EPS15: variants seen among roughly 807,000 people sequenced by gnomAD.
EPS15 encodes epidermal growth factor receptor pathway substrate 15, also known as epidermal growth factor receptor substrate 15.
Under a neutral mutation model 113.8 loss-of-function variants are expected in EPS15, and 72 were observed. The observed-to-expected ratio is 0.63, with a 90% CI of 0.52 to 0.77. The LOEUF (loss-of-function observed/expected upper bound fraction) is 0.77. EPS15 is among the 30% of genes least tolerant of loss of function. The pLI, the probability that EPS15 is intolerant of heterozygous loss-of-function variation, is 0.00. For synonymous variants in EPS15, 344 were observed against 363.4 expected (o/e 0.95, Z 0.61); for missense variants, 1,048 against 1,045.8 (o/e 1.00, Z -0.03).
rs878951651 is a variant in EPS15, at chr1:51,355,042, G to A, written c.*1658C>T. 11 of 222,544 alleles carry A rather than the reference G, an allele frequency of 4.9e-5. No homozygotes were observed. The highest frequency in any genetic ancestry group is 7.2e-5 in the Non-Finnish European group (8 of 111,184). 13.8% of individuals were successfully genotyped at this position (222,544 alleles called of 1,614,324 possible). ...AGAAAATCCTTAGGTCACTGGATTC[G>A]TTTATCAAAATTAAGCCTTGTGATT... is the stretch of plus-strand genomic sequence containing the variant. On this transcript the variant is annotated 3_prime_UTR_variant, in exon 25 of 25. Coordinates refer to ENST00000371733, the MANE Select transcript of EPS15 (RefSeq NM_001981.3).
At chr1:51,513,604 T>C (rs909759520) in intron 1 of EPS15, among the ~76,000 whole-genome samples, 15 of 152,218 alleles carry the variant, frequency 9.9e-5, no homozygotes, top group African/African-American at 3.6e-4. Context: ...TTCACTAGCA[T>C]TGTATGAATT....
At chr1:51,404,376 T>C (rs1648894052) in intron 16 of EPS15, among the ~76,000 whole-genome samples, 1 of 140,506 alleles carries the variant, frequency 7.1e-6, no homozygotes, top group Admixed American at 7.0e-5. Flanking sequence ...AGACTCCGTC[T>C]CAAAAAAAAA....
chr1:51,470,256 T>C lies in EPS15; in HGVS notation c.213+1434A>G, dbSNP rs547192121. On this transcript the variant is annotated intron_variant, in intron 4 of 24. Coordinates refer to ENST00000371733, the MANE Select transcript of EPS15 (RefSeq NM_001981.3). ...TTGCAATGTATTATGAGCAACAAAA[T>C]AAAAACCATGCTGCAGGAGGAAAGT... Among the ~76,000 whole-genome samples, 13 of 152,250 alleles carry C rather than the reference T, an allele frequency of 8.5e-5. No homozygotes were observed. In the South Asian group the frequency reaches 2.7e-3, roughly 32 times the overall value.
chr1:51,356,261 C>T lies in EPS15; in HGVS notation c.*439G>A, dbSNP rs1002527255. ...ATAAAAGAAATAAGATATTCTTTCC[C>T]TTACCCTCACTCAACCATTCCAATC... On this transcript the variant is annotated 3_prime_UTR_variant, in exon 25 of 25. Transcript: ENST00000371733. 2 of 222,908 alleles carry T rather than the reference C, an allele frequency of 9.0e-6. No individual in the cohort carries two copies. Among genetic ancestry groups the T allele is most frequent in the African/African-American group, 2.2e-5 (1 of 44,824 alleles). 13.8% of individuals were successfully genotyped at this position (222,908 alleles called of 1,614,324 possible). A position where few individuals can be genotyped will look rare whatever the true frequency, so the allele number is the denominator to read the frequency against.
intron 4 of EPS15, among the ~76,000 whole-genome samples, chr1:51,470,667 AAAAT>A (rs1175375991): frequency 1.3e-5 from 2 of 151,624 alleles, no homozygotes; most frequent in African/African-American, 4.9e-5. Context: ...AAAAAAAAAA[AAAAT>A]CTATGCTTCC....
intron 19 of EPS15, among the ~76,000 whole-genome samples, chr1:51,400,328 TTTAG>T (rs1389729379): frequency 1.3e-5 from 2 of 152,132 alleles, no homozygotes; most frequent in African/African-American, 2.4e-5. Context: ...TCACCAAACC[TTTAG>T]TTAGTAAGGA....
At chr1:51,448,329 A>C (rs1653243274) in intron 8 of EPS15, among the ~76,000 whole-genome samples, 194 bp from the exon 9 acceptor site, 1 of 152,154 alleles carries the variant, frequency 6.6e-6, no homozygotes, top group South Asian at 2.1e-4. Context: ...AAAACTAAGA[A>C]ATTTTTAGGA....
At chr1:51,396,657 T>C (rs1283948573) in intron 20 of EPS15, among the ~76,000 whole-genome samples, 4 of 152,136 alleles carry the variant, frequency 2.6e-5, no homozygotes, top group Admixed American at 1.3e-4. Context: ...CTTCATCATA[T>C]ACTGTGCAAC....
At chr1:51,427,317 CT>C (rs1651311176) in intron 12 of EPS15, among the ~76,000 whole-genome samples, 1 of 152,202 alleles carries the variant, frequency 6.6e-6, no homozygotes, top group South Asian at 2.1e-4. Context: ...AACTTATCTA[CT>C]TACTCAATAA....
intron 10 of EPS15, 148 bp downstream of exon 10, chr1:51,446,812 C>T: frequency 1.5e-6 from 1 of 664,580 alleles, no homozygotes; most frequent in Non-Finnish European, 2.5e-6. Context: ...TGTCCATTAG[C>T]CAGAAGAATT....
intron 5 of EPS15, among the ~76,000 whole-genome samples, chr1:51,466,547 T>C (rs1053282386): frequency 4.0e-5 from 6 of 151,086 alleles, no homozygotes; most frequent in Non-Finnish European, 8.9e-5. Flanking sequence ...CACTTGAACC[T>C]AGGGGGTGGA....
chr1:51,361,326 G>A lies in EPS15; in HGVS notation c.2389C>T (p.Pro797Ser), dbSNP rs1487374959. The A allele has an allele frequency of 1.9e-6, 3 of 1,612,136 alleles. No homozygotes were observed. The highest frequency in any genetic ancestry group is 4.5e-5 in the East Asian group (2 of 44,872). Residue 797 changes from proline (P) to serine (S), a missense_variant, in exon 24 of 25, where the codon CCT becomes TCT. By Grantham distance (74) the Pro-to-Ser change is moderately conservative. Transcript: ENST00000371733. Reference protein sequence around the residue: ...GKRSINKLDSPDPFKLNDPFQ... With the variant: ...GKRSINKLDSSDPFKLNDPFQ... ...GGATCATTCAGTTTAAAGGGATCAG[G>A]AGAATCCAATTTGTTGATGGATCTT...
At chr1:51,385,858 T>C (rs1021581689) in intron 21 of EPS15, among the ~76,000 whole-genome samples, 7 of 152,072 alleles carry the variant, frequency 4.6e-5, no homozygotes, top group Non-Finnish European at 8.8e-5. Flanking sequence ...GTAGTAATGA[T>C]GGTTGTTAGG....
chr1:51,358,709 G>GTTTTT, intron 24 of EPS15, among the ~76,000 whole-genome samples: 1 of 121,374 alleles, frequency 8.2e-6, no homozygotes, highest in Non-Finnish European at 1.8e-5. Flanking sequence ...GTTTTTTTTT[G>GTTTTT]TTTTTTTTTT....
intron 1 of EPS15, 63 bp downstream of exon 1, chr1:51,519,136 C>G: frequency 1.6e-6 from 2 of 1,213,888 alleles, no homozygotes; most frequent in South Asian, 3.3e-5. Flanking sequence ...GTCGGCGAAG[C>G]TGAGGGCGGT....
chr1:51,375,765 A>G (rs1269604282), intron 21 of EPS15, among the ~76,000 whole-genome samples: 1 of 152,224 alleles, frequency 6.6e-6, no homozygotes, highest in Admixed American at 6.5e-5. Context: ...GTCAAGTGGA[A>G]TTACATTTAA....
chr1:51,446,656 T>C (rs1653080472), intron 10 of EPS15, among the ~76,000 whole-genome samples: 2 of 152,154 alleles, frequency 1.3e-5, no homozygotes, highest in Non-Finnish European at 2.9e-5. Context: ...CTTTTCACCA[T>C]GTTGGCCAAG....
At chr1:51,506,012 GAGTAGCTAGAATTACAGGT>G (rs1644493846) in intron 1 of EPS15, among the ~76,000 whole-genome samples, 1 of 151,966 alleles carries the variant, frequency 6.6e-6, no homozygotes. Flanking sequence ...TTGGCCTCCC[GAGTAGCTAGAATTACAGGT>G]GCCTGCCACC....
chr1:51,370,066 T>C (rs1198567430), intron 21 of EPS15, among the ~76,000 whole-genome samples: 2 of 152,222 alleles, frequency 1.3e-5, no homozygotes, highest in Non-Finnish European at 2.9e-5. Flanking sequence ...TCTTGACATA[T>C]GCCACATAAC....
Sources: allele counts gnomAD v4.1 joint callset (sites outside exome capture counted in the v4.1 genomes callset), GRCh38; gene constraint gnomAD v4.1.1; transcripts MANE v1.5; gene names NCBI Gene and HGNC (gene_info 2026-07-23, HGNC 2026-07-21).